Variants in DACH2 observed in about 807,000 individuals in gnomAD.
DACH2 encodes the protein dachshund family transcription factor 2.
Under a neutral mutation model 35.8 loss-of-function variants are expected in DACH2, and 17 were observed. That is an observed-to-expected ratio of 0.48 (90% confidence interval 0.33 to 0.71). The LOEUF (loss-of-function observed/expected upper bound fraction) is 0.71. DACH2 is among the 30% of genes least tolerant of loss of function. DACH2 has a pLI of 0.02. For missense variants in DACH2, 469 were observed against 472.7 expected (o/e 0.99, Z 0.07); for synonymous variants, 195 against 177.3 (o/e 1.10, Z -0.79).
intron 1 of DACH2, among the ~76,000 whole-genome samples, chrX:86,151,892 C>T (rs987723934): frequency 9.1e-6 from 1 of 110,258 alleles, no homozygotes; most frequent in Non-Finnish European, 1.9e-5. Context: ...AGTAGAAATG[C>T]AGGAAAAGAG....
intron 4 of DACH2, among the ~76,000 whole-genome samples, chrX:86,678,002 C>T (rs1422781293): frequency 8.9e-6 from 1 of 112,107 alleles, no homozygotes; most frequent in Non-Finnish European, 1.9e-5. Context: ...TGGCAGATGG[C>T]ATTGCTCAGA....
rs192014959 is a variant in DACH2, at chrX:86,822,328, A to T, written c.1750+6229A>T. On this transcript the variant is annotated intron_variant, in intron 11 of 11. Coordinates refer to ENST00000373125, the MANE Select transcript of DACH2 (RefSeq NM_053281.3). ...ATACTCATCATTCTGAGAATGAGGA[A>T]TTCATAACCTAAAATTGGAATAGTG... 3.6e-5 allele frequency among the ~76,000 whole-genome samples: 4 copies of T among 112,003 alleles called. No individual in the cohort carries two copies. In the East Asian group the frequency reaches 1.1e-3, roughly 32 times the overall value.
At chrX:86,786,576 G>A (rs2042139899) in intron 7 of DACH2, among the ~76,000 whole-genome samples, 1 of 111,978 alleles carries the variant, frequency 8.9e-6, no homozygotes, top group Admixed American at 9.5e-5. Flanking sequence ...GAAAATGGTA[G>A]CAACTCAAAC....
intron 11 of DACH2, among the ~76,000 whole-genome samples, chrX:86,820,716 TTAATA>T (rs2042503433): frequency 9.0e-6 from 1 of 111,173 alleles, no homozygotes; most frequent in Non-Finnish European, 1.9e-5. Context: ...CGTAGAACAT[TTAATA>T]TATATTCATA....
chrX:86,449,692 T>A (rs1485438392), intron 2 of DACH2, among the ~76,000 whole-genome samples: 1 of 111,319 alleles, frequency 9.0e-6, no homozygotes, highest in Non-Finnish European at 1.9e-5. Context: ...CCATGAGGCT[T>A]ATAAAAAACA....
intron 1 of DACH2, among the ~76,000 whole-genome samples, chrX:86,316,704 G>T (rs921752295): frequency 4.5e-5 from 5 of 111,225 alleles, no homozygotes; most frequent in African/African-American, 1.6e-4. Flanking sequence ...TCCTCCTGAG[G>T]TCGATCTCAG....
At chrX:86,153,250 C>G (rs1363633437) in intron 1 of DACH2, among the ~76,000 whole-genome samples, 1 of 111,360 alleles carries the variant, frequency 9.0e-6, no homozygotes, top group Non-Finnish European at 1.9e-5. Context: ...AAATAGAATT[C>G]AGTTTTTAAA....
chrX:86,222,236 T>C (rs748728050), intron 1 of DACH2, among the ~76,000 whole-genome samples: 2 of 112,319 alleles, frequency 1.8e-5, no homozygotes, highest in Non-Finnish European at 3.8e-5. Context: ...GAGGAATCTC[T>C]CAATCCACTC....
intron 3 of DACH2, among the ~76,000 whole-genome samples, chrX:86,642,186 C>G (rs1171444892): frequency 9.0e-6 from 1 of 111,238 alleles, no homozygotes; most frequent in African/African-American, 3.3e-5. Context: ...AAAGCAAGAC[C>G]CCATAGTATT....
intron 11 of DACH2, among the ~76,000 whole-genome samples, chrX:86,821,418 A>G (rs759185560): frequency 1.8e-5 from 2 of 111,386 alleles, no homozygotes; most frequent in Non-Finnish European, 3.8e-5. Context: ...TACAATGGGA[A>G]AAGACTCTAG....
intron 1 of DACH2, among the ~76,000 whole-genome samples, chrX:86,374,644 T>C (rs2035936643): frequency 9.0e-6 from 1 of 111,354 alleles, no homozygotes; most frequent in Non-Finnish European, 1.9e-5. Context: ...AATGTGAACA[T>C]ATGTTATGTC....
intron 3 of DACH2, among the ~76,000 whole-genome samples, chrX:86,540,096 A>G (rs2038860273): frequency 8.9e-6 from 1 of 112,120 alleles, no homozygotes; most frequent in Admixed American, 9.5e-5. Context: ...GATAAACTCA[A>G]TACATCTTTA....
intron 1 of DACH2, among the ~76,000 whole-genome samples, chrX:86,259,169 C>T (rs968304063): frequency 1.8e-5 from 2 of 112,034 alleles, no homozygotes; most frequent in East Asian, 2.8e-4. Flanking sequence ...CAGGTGACAT[C>T]TGTGCTTAAA....
chrX:86,206,018 C>T (rs2032302164), intron 1 of DACH2, among the ~76,000 whole-genome samples: 1 of 111,762 alleles, frequency 8.9e-6, no homozygotes, highest in Non-Finnish European at 1.9e-5. Flanking sequence ...TTAAGTAGAG[C>T]AGACTTTTAT....
Position 86,707,712 on chromosome X carries a change from C to T in DACH2, c.932-6836C>T, listed in dbSNP as rs775666285. ...CCGGTGGATCACGAGGTGAAGAGAT[C>T]GAGACCATCCTGGCCAACATGCTGA... On this transcript the variant is annotated intron_variant, in intron 5 of 11. Transcript: ENST00000373125. Among the ~76,000 whole-genome samples, 7 of 108,804 alleles carry T rather than the reference C, an allele frequency of 6.4e-5. No individual in the cohort carries two copies. In the East Asian group the frequency reaches 8.8e-4, roughly 14 times the overall value. 94.5% of individuals were successfully genotyped at this position (108,804 alleles called of 115,157 possible).
At chrX:86,268,621 G>T (rs1270378185) in intron 1 of DACH2, among the ~76,000 whole-genome samples, 1 of 108,478 alleles carries the variant, frequency 9.2e-6, no homozygotes, top group African/African-American at 3.4e-5. Flanking sequence ...GGCAATCCCT[G>T]CCTCCAGGGT....
At chrX:86,598,576 G>A (rs1602685037) in intron 3 of DACH2, among the ~76,000 whole-genome samples, 1 of 111,236 alleles carries the variant, frequency 9.0e-6, no homozygotes, top group South Asian at 3.8e-4. Flanking sequence ...TACCACAGGA[G>A]AGAAATTGCT....
intron 1 of DACH2, among the ~76,000 whole-genome samples, chrX:86,317,761 G>A (rs2034940456): frequency 9.0e-6 from 1 of 111,233 alleles, no homozygotes; most frequent in Admixed American, 9.6e-5. Flanking sequence ...GCCCAGCCAT[G>A]GGTTTGTACC....
chrX:86,651,605 T>G (rs1369069309), intron 4 of DACH2, among the ~76,000 whole-genome samples: 2 of 111,656 alleles, frequency 1.8e-5, no homozygotes, highest in Non-Finnish European at 3.8e-5. Context: ...GCTGGCTGAC[T>G]CCAGGCATTA....
Sources: allele counts gnomAD v4.1 joint callset (sites outside exome capture counted in the v4.1 genomes callset), GRCh38; gene constraint gnomAD v4.1.1; transcripts MANE v1.5; gene names NCBI Gene and HGNC (gene_info 2026-07-23, HGNC 2026-07-21).